The following TMTC3 variants were observed in gnomAD, a reference collection of about 807,000 sequenced individuals.
TMTC3 encodes protein O-mannosyl-transferase TMTC3.
Under a neutral mutation model 92.2 loss-of-function variants are expected in TMTC3, and 52 were observed. That is an observed-to-expected ratio of 0.56 (90% confidence interval 0.45 to 0.71). The LOEUF (loss-of-function observed/expected upper bound fraction) is 0.71. TMTC3 is among the 30% of genes least tolerant of loss of function. TMTC3 has a pLI of 0.00. For synonymous variants in TMTC3, 339 were observed against 363.3 expected (o/e 0.93, Z 0.76); for missense variants, 896 against 1,057.1 (o/e 0.85, Z 2.11).
rs2041502853 is a variant in TMTC3 at position 88,195,609 on chromosome 12, A to G, written c.2705A>G (p.Lys902Arg). Residue 902 changes from lysine (K) to arginine (R), a missense_variant, in exon 14 of 14, where the codon AAA becomes AGA. By Grantham distance (26) the Lys-to-Arg change is conservative (BLOSUM62 2). Coordinates refer to ENST00000266712, the MANE Select transcript of TMTC3 (RefSeq NM_181783.4). Reference protein sequence around the residue: ...EIEKKRVAALKRLEEIERILN... With the variant: ...EIEKKRVAALRRLEEIERILN... ...GAGAAGAAAAGAGTTGCTGCTTTAA[A>G]AAGACTAGAAGAGATTGAACGTATT... is the stretch of plus-strand genomic sequence containing the variant. 1 of 1,602,466 alleles carries G rather than the reference A, an allele frequency of 6.2e-7. No homozygotes were observed. The highest frequency in any genetic ancestry group is 8.5e-7 in the Non-Finnish European group (1 of 1,177,062).
At chr12:88,172,992 G>A (rs1427614006) in intron 8 of TMTC3, 1 of 1,401,786 alleles carries the variant, frequency 7.1e-7, no homozygotes, top group Non-Finnish European at 9.4e-7. Context: ...CTTTGAGTCA[G>A]ATCCAAATGA....
intron 10 of TMTC3, 82 bp from the exon 11 acceptor site, chr12:88,188,761 C>A (rs1722446900): frequency 1.5e-6 from 1 of 681,884 alleles, no homozygotes; most frequent in Admixed American, 3.0e-5. Flanking sequence ...GTTTATATAT[C>A]AAATACATTT....
In TMTC3 at chr12:88,169,289, A is replaced by G. The variant is rs143329584; in HGVS notation, c.1050+2707A>G. On this transcript the variant is annotated intron_variant, in intron 7 of 13. Coordinates refer to ENST00000266712, the MANE Select transcript of TMTC3 (RefSeq NM_181783.4). ...CGTTGCCACTCTGGTAAATACAGAC[A>G]AAAGAAATAAACGGTAGAATACATC... is the stretch of plus-strand genomic sequence containing the variant. Among the ~76,000 whole-genome samples, 942 of 152,304 alleles carry G rather than the reference A, an allele frequency of 6.2e-3. 15 individuals carry two copies. The highest frequency in any genetic ancestry group is 0.022 in the African/African-American group (904 of 41,572).
chr12:88,152,251 GAA>G (rs1188741254), intron 2 of TMTC3, among the ~76,000 whole-genome samples: 4 of 152,158 alleles, frequency 2.6e-5, no homozygotes, highest in Non-Finnish European at 4.4e-5. Flanking sequence ...ACTACCTGTA[GAA>G]GGTGAAGGGG....
rs1052093718 is a variant in TMTC3, at chr12:88,193,275, A to G, written c.1933+445A>G. Reference sequence around the variant, plus strand: ...CATAAGAGCAAATACTTTTGGCACCATTTTATATCCAGTTTTACTACGTTT... The same window carrying G: ...CATAAGAGCAAATACTTTTGGCACCGTTTTATATCCAGTTTTACTACGTTT... On this transcript the variant is annotated intron_variant, in intron 13 of 13. Coordinates refer to ENST00000266712, the MANE Select transcript of TMTC3 (RefSeq NM_181783.4). 2.6e-4 allele frequency among the ~76,000 whole-genome samples: 39 copies of G among 152,068 alleles called. 1 individual carries two copies. The highest frequency in any genetic ancestry group is 1.2e-3 in the Admixed American group (19 of 15,266).
intron 1 of TMTC3, among the ~76,000 whole-genome samples, chr12:88,144,030 A>G (rs2040837155): frequency 6.6e-6 from 1 of 152,210 alleles, no homozygotes; most frequent in African/African-American, 2.4e-5. Context: ...ATGCATTATA[A>G]TTAGTGTATA....
At chr12:88,152,276 C>T (rs1284680511) in intron 2 of TMTC3, among the ~76,000 whole-genome samples, 3 of 152,048 alleles carry the variant, frequency 2.0e-5, no homozygotes, top group Non-Finnish European at 4.4e-5. Flanking sequence ...GCAGGTGTAT[C>T]ACATGGTGAG....
At chr12:88,178,732 A>G (rs1472865829) in intron 10 of TMTC3, among the ~76,000 whole-genome samples, 1 of 152,160 alleles carries the variant, frequency 6.6e-6, no homozygotes, top group Non-Finnish European at 1.5e-5. Flanking sequence ...GATTAATTAT[A>G]TTCTAAGAGT....
Position 88,193,836 on chromosome 12 carries a change from C to T in TMTC3, c.1934-1002C>T, listed in dbSNP as rs551758770. On this transcript the variant is annotated intron_variant, in intron 13 of 13. Transcript: ENST00000266712. ...ATAATCATGAAGGATGCTCATTATT[C>T]GACACAAGATTGTACTATAAGGTTT... Among the ~76,000 whole-genome samples, 5 of 152,120 alleles carry T rather than the reference C, an allele frequency of 3.3e-5. 1 individual carries two copies. Among genetic ancestry groups the T allele is most frequent in the African/African-American group, 9.6e-5 (4 of 41,516 alleles).
chr12:88,168,455 G>C (rs1166284482), intron 7 of TMTC3, among the ~76,000 whole-genome samples: 1 of 152,214 alleles, frequency 6.6e-6, no homozygotes, highest in Non-Finnish European at 1.5e-5. Flanking sequence ...ATCTTATGTA[G>C]GGCCTGGGGA....
intron 10 of TMTC3, among the ~76,000 whole-genome samples, chr12:88,183,193 C>G (rs2041337395): frequency 6.6e-6 from 1 of 152,056 alleles, no homozygotes; most frequent in African/African-American, 2.4e-5. Flanking sequence ...ACTGTTCTAC[C>G]CAAATAGGAT....
intron 7 of TMTC3, 92 bp from the exon 8 acceptor site, chr12:88,172,505 A>G: frequency 3.1e-6 from 2 of 651,710 alleles, no homozygotes; most frequent in Non-Finnish European, 4.2e-6. Flanking sequence ...AAATATTTGG[A>G]TTCAAGTATC....
At chr12:88,194,095 G>T (rs1255519465) in intron 13 of TMTC3, among the ~76,000 whole-genome samples, 1 of 152,042 alleles carries the variant, frequency 6.6e-6, no homozygotes, top group Non-Finnish European at 1.5e-5. Flanking sequence ...GATGGCACAT[G>T]CCTGTAGTCC....
At chr12:88,167,397 C>A (rs1300971128) in intron 7 of TMTC3, among the ~76,000 whole-genome samples, 2 of 151,992 alleles carry the variant, frequency 1.3e-5, no homozygotes, top group Non-Finnish European at 2.9e-5. Context: ...GAGCAATACT[C>A]TTTCTCAAAA....
At position 88,199,433 on chromosome 12, in the gene TMTC3, TAATA is replaced by T. The variant is rs903250094; in HGVS notation, c.*3789_*3792del. 4 of 151,912 alleles carry T rather than the reference TAATA, an allele frequency of 2.6e-5. No homozygotes were observed. Among genetic ancestry groups the T allele is most frequent in the African/African-American group, 9.7e-5 (4 of 41,392 alleles). 9.4% of individuals were successfully genotyped at this position (151,912 alleles called of 1,614,324 possible). ...CTTAGAGTTTCTAGCACATAGCAAA[TAATA>T]AATATTAGTTATTAGTATAAACATA... On this transcript the variant is annotated 3_prime_UTR_variant, in exon 14 of 14. Coordinates refer to ENST00000266712, the MANE Select transcript of TMTC3 (RefSeq NM_181783.4).
At chr12:88,171,597 A>C (rs1178242101) in intron 7 of TMTC3, among the ~76,000 whole-genome samples, 4 of 152,046 alleles carry the variant, frequency 2.6e-5, no homozygotes, top group Admixed American at 6.6e-5. Context: ...TCATCCAGTA[A>C]TCTGTTGATG....
rs550180967 is a variant in TMTC3 at position 88,197,183 on chromosome 12, T to C, written c.*1534T>C. 1.3e-5 allele frequency: 2 copies of C among 152,012 alleles called. No homozygotes were observed. Among genetic ancestry groups the C allele is most frequent in the Non-Finnish European group, 3.0e-5 (2 of 67,756 alleles). 9.4% of individuals were successfully genotyped at this position (152,012 alleles called of 1,614,324 possible). A position where few individuals can be genotyped will look rare whatever the true frequency, so the allele number is the denominator to read the frequency against. ...TCCTGTATTTTTTTTAAGAATTGTT[T>C]TATAAATAGGTCATAAGATACAAGG... On this transcript the variant is annotated 3_prime_UTR_variant, in exon 14 of 14. Transcript: ENST00000266712.
rs2041127768 is a variant in TMTC3 at position 88,164,984 on chromosome 12, T to TTA, written c.798-1346_798-1345insTA. The stretch of plus-strand genomic sequence containing the variant: ...AATAGAGAAGATTGAATTGTTTATA[T>TTA]AAGACTTCGGATTTCCTTCTTAGTT... On this transcript the variant is annotated intron_variant, in intron 6 of 13. Coordinates refer to ENST00000266712, the MANE Select transcript of TMTC3 (RefSeq NM_181783.4). Among the ~76,000 whole-genome samples, 3 of 152,298 alleles carry TTA rather than the reference T, an allele frequency of 2.0e-5. No homozygotes were observed. The East Asian group carries it at 5.8e-4, about 29-fold the overall frequency.
chr12:88,185,143 A>G (rs1336724390), intron 10 of TMTC3, among the ~76,000 whole-genome samples: 1 of 152,180 alleles, frequency 6.6e-6, no homozygotes, highest in Non-Finnish European at 1.5e-5. Context: ...GCATATGTAT[A>G]TTATCTGTGA....
Sources: allele counts gnomAD v4.1 joint callset (sites outside exome capture counted in the v4.1 genomes callset), GRCh38; gene constraint gnomAD v4.1.1; transcripts MANE v1.5; gene names NCBI Gene and HGNC (gene_info 2026-07-23, HGNC 2026-07-21).